OTOG: variants seen among roughly 807,000 people sequenced by gnomAD.
The protein encoded by OTOG is otogelin.
OTOG carries 296 observed loss-of-function variants against 313.8 expected under a neutral mutation model. The ratio of observed to expected loss-of-function variants is 0.94; its 90% CI spans 0.86 to 1.04. The LOEUF is 1.04. OTOG is among the 50% of genes least tolerant of loss of function. The pLI is 0.00. For missense variants in OTOG, 3,948 were observed against 3,840.1 expected, an observed-to-expected ratio of 1.03 and a Z score of -0.74; for synonymous variants, 1,533 against 1,554.9, an observed-to-expected ratio of 0.99 and a Z score of 0.33.
At chr11:17,638,922 CCTGTGTCTA>C (rs1847910545) in intron 48 of OTOG, 1 of 558,510 alleles carries the variant, frequency 1.8e-6, no homozygotes, top group East Asian at 6.4e-5. Context: ...ACGGTGAAAC[CCTGTGTCTA>C]CTGAAAATAC....
Position 17,573,259 on chromosome 11 carries a change from C to T in OTOG, c.2262C>T (p.Pro754=), listed in dbSNP as rs112040976. ...ACCTGTGCCGGCGCCATGGGCTCCC[C>T]GTTGATTTCCGCGCCCGCCTGCCAG... is the stretch of plus-strand genomic sequence containing the variant. ...YAHLCRRHGL[P]VDFRARLPAC... Residue 754 remains proline, a synonymous_variant, in exon 19 of 56, where the codon CCC becomes CCT. Coordinates refer to ENST00000399397, the MANE Select transcript of OTOG (RefSeq NM_001292063.2). 1.2e-5 allele frequency: 19 copies of T among 1,530,238 alleles called. No individual in the cohort carries two copies. The highest frequency in any genetic ancestry group is 1.7e-4 in the Middle Eastern group (1 of 5,796). 94.8% of individuals were successfully genotyped at this position (1,530,238 alleles called of 1,614,324 possible). A position where few individuals can be genotyped will look rare whatever the true frequency, so the allele number is the denominator to read the frequency against.
At position 17,574,844 on chromosome 11, in the gene OTOG, G is replaced by A; in HGVS notation, c.2418G>A (p.Glu806=). Residue 806 remains glutamate, a synonymous_variant, in exon 20 of 56, where the codon GAG becomes GAA. Transcript: ENST00000399397. Reference sequence around the variant, plus strand: ...GTGGCGATGACCTGAGCAGAGACGAGTGTGTGGAGGGCTGTGCCTGCCCAC... The same window carrying A: ...GTGGCGATGACCTGAGCAGAGACGAATGTGTGGAGGGCTGTGCCTGCCCAC... ...VDGGDDLSRD[E]CVEGCACPPD... 6.5e-7 allele frequency: 1 copy of A among 1,549,496 alleles called. No homozygotes were observed. Among genetic ancestry groups the A allele is most frequent in the Non-Finnish European group, 8.7e-7 (1 of 1,146,448 alleles).
intron 31 of OTOG, among the ~76,000 whole-genome samples, chr11:17,600,239 G>C (rs1300088912): frequency 7.2e-6 from 1 of 138,662 alleles, no homozygotes; most frequent in Non-Finnish European, 1.6e-5. Flanking sequence ...CCCAGGGGAG[G>C]TTAATGTCCA....
At chr11:17,606,441 T>C (rs929883253) in intron 33 of OTOG, among the ~76,000 whole-genome samples, 1 of 152,270 alleles carries the variant, frequency 6.6e-6, no homozygotes, top group Non-Finnish European at 1.5e-5. Context: ...GGTGTGATCC[T>C]GGCTGCAACA....
chr11:17,571,793 A>G (rs545022754), intron 17 of OTOG, among the ~76,000 whole-genome samples: 1 of 151,950 alleles, frequency 6.6e-6, no homozygotes. Flanking sequence ...GCACGCATGC[A>G]TGTGTACATC....
chr11:17,548,342 C>T, intron 3 of OTOG, 130 bp downstream of exon 3: 1 of 661,980 alleles, frequency 1.5e-6, no homozygotes. Flanking sequence ...AAGCAGATTC[C>T]TGGTATGTGT....
At chr11:17,590,574 G>T (rs1477695079) in intron 24 of OTOG, among the ~76,000 whole-genome samples, 1 of 152,186 alleles carries the variant, frequency 6.6e-6, no homozygotes, top group Non-Finnish European at 1.5e-5. Flanking sequence ...GGCTCGGTGC[G>T]GCAGCCAGAG....
rs1005425487 is a variant in OTOG at position 17,612,265 on chromosome 11, G to A, written c.6227G>A (p.Cys2076Tyr). 35 of 1,545,992 alleles carry A rather than the reference G, an allele frequency of 2.3e-5. No individual in the cohort carries two copies. Among genetic ancestry groups the A allele is most frequent in the Non-Finnish European group, 3.1e-5 (35 of 1,146,932 alleles). The change falls in exon 37 of 56, where the codon TGT (cysteine) becomes TAT (tyrosine). Residue 2076 changes from cysteine (C) to tyrosine (Y), a missense_variant. By Grantham distance (194) the Cys-to-Tyr change is radical. Coordinates refer to ENST00000399397, the MANE Select transcript of OTOG (RefSeq NM_001292063.2). ...CCCCAGGGTGCTGCTCCCCCTCGCT[G>A]TGGGATCCTGGGCCTCGCCGTGCGG... Reference protein sequence around the residue: ...HCPQGAAPPRCGILGLAVRVG... With the variant: ...HCPQGAAPPRYGILGLAVRVG...
intron 3 of OTOG, among the ~76,000 whole-genome samples, chr11:17,551,188 C>G (rs928644163): frequency 6.6e-6 from 1 of 152,188 alleles, no homozygotes; most frequent in African/African-American, 2.4e-5. Flanking sequence ...GGCTGAACCT[C>G]TAAGGGAGGA....
At position 17,547,309 on chromosome 11, in the gene OTOG, A is replaced by C. The variant is rs1399815500; in HGVS notation, c.-64A>C. 7.9e-6 allele frequency: 10 copies of C among 1,268,224 alleles called. No individual in the cohort carries two copies. The highest frequency in any genetic ancestry group is 3.8e-5 in the Admixed American group (1 of 26,582). The allele number at this position is 1,268,224 out of a possible 1,614,324, so 78.6% of individuals were successfully genotyped here. On this transcript the variant is annotated 5_prime_UTR_variant, in exon 1 of 56. Transcript: ENST00000399397. The stretch of plus-strand genomic sequence containing the variant: ...CGGAGTGGAGGTGTGACCCTGCCTT[A>C]GCCCGGGGAGGCACCTCGGGAGGCT...
chr11:17,630,994 A>G (rs889576266), intron 40 of OTOG, among the ~76,000 whole-genome samples: 1 of 152,226 alleles, frequency 6.6e-6, no homozygotes, highest in South Asian at 2.1e-4. Context: ...GAGTCCTTCC[A>G]TCTTCTGGTT....
rs943770926 is a variant in OTOG at position 17,558,452 on chromosome 11, C to T, written c.997-86C>T. On this transcript the variant is annotated intron_variant, in intron 9 of 55. Transcript: ENST00000399397. ...CTCTCTTCTCTGCCTTCCTCTCCCT[C>T]TCCCCACAGCTCAAGTTGGGGTTCT... 56 of 1,523,336 alleles carry T rather than the reference C, an allele frequency of 3.7e-5. No homozygotes were observed. In the African/African-American group the frequency reaches 7.7e-4, roughly 21 times the overall value. The allele number at this position is 1,523,336 out of a possible 1,614,324, so 94.4% of individuals were successfully genotyped here.
intron 12 of OTOG, among the ~76,000 whole-genome samples, 168 bp downstream of exon 12, chr11:17,559,830 G>C (rs1462807454): frequency 6.9e-6 from 1 of 145,872 alleles, no homozygotes; most frequent in African/African-American, 2.6e-5. Context: ...GAAGAAGGAA[G>C]GAGGAAGGAA....
At chr11:17,588,074 G>A (rs1232029923) in intron 24 of OTOG, among the ~76,000 whole-genome samples, 1 of 152,186 alleles carries the variant, frequency 6.6e-6, no homozygotes, top group African/African-American at 2.4e-5. Context: ...GAAGAGCTGG[G>A]ATTATTTAGG....
intron 39 of OTOG, among the ~76,000 whole-genome samples, chr11:17,623,812 A>AT (rs1034570028): frequency 2.6e-5 from 4 of 151,970 alleles, no homozygotes; most frequent in African/African-American, 7.2e-5. Context: ...AGCACCTGTT[A>AT]TTTTTTGGCT....
At chr11:17,558,009 C>G (rs1007888330) in intron 8 of OTOG, among the ~76,000 whole-genome samples, 176 bp from the exon 9 acceptor site, 1 of 152,130 alleles carries the variant, frequency 6.6e-6, no homozygotes, top group Non-Finnish European at 1.5e-5. Flanking sequence ...TATCAAACAG[C>G]TTTTTCAGGA....
intron 49 of OTOG, 143 bp downstream of exon 49, chr11:17,639,606 C>A: frequency 1.2e-6 from 1 of 801,134 alleles, no homozygotes; most frequent in Non-Finnish European, 2.0e-6. Flanking sequence ...CAAGCTCTGC[C>A]ACTGGCTTTC....
intron 4 of OTOG, among the ~76,000 whole-genome samples, chr11:17,552,587 C>A (rs1028193106): frequency 1.2e-4 from 18 of 150,846 alleles, no homozygotes; most frequent in African/African-American, 4.2e-4. Flanking sequence ...CCTGTGTCTC[C>A]CACCTGTCCT....
At chr11:17,640,667 G>A in intron 49 of OTOG, 78 bp from the exon 50 acceptor site, 1 of 1,435,850 alleles carries the variant, frequency 7.0e-7, no homozygotes, top group South Asian at 1.3e-5. Context: ...GACGTAGAGA[G>A]GGGCCCAGGT....
Sources: gnomAD v4.1 joint callset for allele counts (sites outside exome capture counted in the v4.1 genomes callset) on GRCh38, gnomAD v4.1.1 for gene constraint, MANE v1.5 for transcripts, NCBI Gene and HGNC (gene_info 2026-07-23, HGNC 2026-07-21) for gene names.